The following CFAP299 variants were observed in gnomAD, a reference collection of about 807,000 sequenced individuals.
The protein encoded by CFAP299 is cilia and flagella associated protein 299, also known as cilia- and flagella-associated protein 299.
A neutral mutation model predicts 27.0 loss-of-function variants in CFAP299; 21 were observed. That is an observed-to-expected ratio of 0.78 (90% CI 0.55 to 1.12). The LOEUF (loss-of-function observed/expected upper bound fraction) is 1.12, where lower values mean the gene tolerates loss of function less well. Among genes scored for constraint, CFAP299 ranks in the 50% most tolerant of loss-of-function variants. CFAP299 has a pLI of 0.00. For synonymous variants in CFAP299, 104 were observed against 98.1 expected (o/e 1.06, Z -0.36); for missense variants, 310 against 276.6 (o/e 1.12, Z -0.86).
chr4:80,590,630 T>C (rs1324490133), intron 3 of CFAP299, among the ~76,000 whole-genome samples: 1 of 152,120 alleles, frequency 6.6e-6, no homozygotes, highest in Non-Finnish European at 1.5e-5. Flanking sequence ...GAGTTGAGAC[T>C]CTGTCTCAGA....
chr4:80,379,105 C>A (rs1326518400), intron 2 of CFAP299, among the ~76,000 whole-genome samples: 1 of 152,002 alleles, frequency 6.6e-6, no homozygotes, highest in African/African-American at 2.4e-5. Context: ...TAACTACAAA[C>A]TCTATTTTTA....
intron 2 of CFAP299, among the ~76,000 whole-genome samples, chr4:80,426,677 T>C (rs961994575): frequency 6.6e-6 from 1 of 152,214 alleles, no homozygotes; most frequent in African/African-American, 2.4e-5. Context: ...GTGATTCTTA[T>C]GCTCAAACAA....
chr4:80,372,371 A>C (rs1724188581), intron 2 of CFAP299, among the ~76,000 whole-genome samples: 1 of 152,228 alleles, frequency 6.6e-6, no homozygotes. Flanking sequence ...TTCAAACCAT[A>C]CGAATGGGTT....
chr4:80,383,825 A>G (rs935549653), intron 2 of CFAP299, among the ~76,000 whole-genome samples: 2 of 151,952 alleles, frequency 1.3e-5, no homozygotes, highest in African/African-American at 4.8e-5. Flanking sequence ...GCTTTTGTTC[A>G]TTCAGATGGT....
chr4:80,603,611 T>G (rs765943415), intron 3 of CFAP299, among the ~76,000 whole-genome samples: 6 of 152,210 alleles, frequency 3.9e-5, no homozygotes, highest in Non-Finnish European at 5.9e-5. Flanking sequence ...AAGGAAATAT[T>G]TATGAATGTG....
intron 2 of CFAP299, among the ~76,000 whole-genome samples, chr4:80,581,453 G>T (rs913727828): frequency 1.1e-4 from 11 of 103,018 alleles, no homozygotes; most frequent in African/African-American, 5.6e-4. Flanking sequence ...TATTAAGTGA[G>T]ATATATATAT....
At chr4:80,798,751 T>A (rs1382760022) in intron 3 of CFAP299, among the ~76,000 whole-genome samples, 2 of 152,050 alleles carry the variant, frequency 1.3e-5, no homozygotes, top group Admixed American at 1.3e-4. Context: ...GAGCAACCAA[T>A]CAGCTTTATT....
intron 2 of CFAP299, among the ~76,000 whole-genome samples, chr4:80,434,500 T>G (rs1410866868): frequency 1.7e-4 from 26 of 152,216 alleles, no homozygotes; most frequent in Admixed American, 1.7e-3. Flanking sequence ...CAGTGGTGTT[T>G]AAAAGTGCTG....
chr4:80,908,390 T>G (rs905985535), intron 4 of CFAP299, among the ~76,000 whole-genome samples: 1 of 152,236 alleles, frequency 6.6e-6, no homozygotes, highest in African/African-American at 2.4e-5. Context: ...ACATATTTTC[T>G]TCTTACTTTG....
chr4:80,648,497 T>C (rs897551621), intron 3 of CFAP299, among the ~76,000 whole-genome samples: 5 of 152,184 alleles, frequency 3.3e-5, no homozygotes, highest in Admixed American at 1.3e-4. Context: ...ATTTCTACTG[T>C]AGTTCAACTT....
intron 3 of CFAP299, among the ~76,000 whole-genome samples, chr4:80,834,923 T>C (rs1730481923): frequency 6.6e-6 from 1 of 152,186 alleles, no homozygotes; most frequent in Non-Finnish European, 1.5e-5. Context: ...TTTTTTTAAA[T>C]TAGAACTGAA....
the CFAP299 span, among the ~76,000 whole-genome samples, chr4:80,325,950 T>A: frequency 3.3e-5 from 5 of 152,170 alleles, no homozygotes; most frequent in East Asian, 9.6e-4. Flanking sequence ...GTCCAGAAGC[T>A]CCTATCCACA....
chr4:80,722,120 A>G (rs1355882917), intron 3 of CFAP299, among the ~76,000 whole-genome samples: 1 of 152,216 alleles, frequency 6.6e-6, no homozygotes, highest in African/African-American at 2.4e-5. Flanking sequence ...ATTTTACCAT[A>G]TATAGAAAAT....
chr4:80,949,708 C>A (rs1029309935), intron 5 of CFAP299, among the ~76,000 whole-genome samples: 2 of 151,954 alleles, frequency 1.3e-5, no homozygotes, highest in African/African-American at 4.8e-5. Flanking sequence ...AAGGGAAAAC[C>A]CAAATAGTTC....
At chr4:80,929,051 A>G (rs569959939) in intron 4 of CFAP299, among the ~76,000 whole-genome samples, 1 of 152,262 alleles carries the variant, frequency 6.6e-6, no homozygotes, top group African/African-American at 2.4e-5. Context: ...AAGGTCAGAC[A>G]TGCTTGAGAA....
chr4:80,424,480 G>A (rs566894835), intron 2 of CFAP299, among the ~76,000 whole-genome samples: 1 of 152,282 alleles, frequency 6.6e-6, no homozygotes, highest in Non-Finnish European at 1.5e-5. Context: ...TTTATGGGAG[G>A]CACTGAGGAT....
chr4:80,799,324 ATTTATATAATATTTATATATATAAATG>A (rs1728103935), intron 3 of CFAP299, among the ~76,000 whole-genome samples: 1 of 96,860 alleles, frequency 1.0e-5, no homozygotes, highest in South Asian at 3.0e-4. Context: ...ATATAAATAT[ATTTATATAATATTTATATATATAAATG>A]TATTTATATA....
At chr4:80,620,795 C>T (rs1738554466) in intron 3 of CFAP299, among the ~76,000 whole-genome samples, 2 of 152,122 alleles carry the variant, frequency 1.3e-5, no homozygotes, top group South Asian at 2.1e-4. Context: ...CAAATTCTGG[C>T]ATCTCTGTCT....
chr4:80,355,507 G>A (rs931903523), intron 1 of CFAP299, among the ~76,000 whole-genome samples: 4 of 151,910 alleles, frequency 2.6e-5, no homozygotes, highest in African/African-American at 7.3e-5. Context: ...ACAGGCGCAT[G>A]CCACCACACC....
Sources: allele counts gnomAD v4.1 joint callset (sites outside exome capture counted in the v4.1 genomes callset), GRCh38; gene constraint gnomAD v4.1.1; transcripts MANE v1.5; gene names NCBI Gene and HGNC (gene_info 2026-07-23, HGNC 2026-07-21).